Variants in UNC13C observed in about 807,000 individuals in gnomAD.
The protein encoded by UNC13C is unc-13 homolog C.
UNC13C carries 174 observed loss-of-function variants against 245.4 expected under a neutral mutation model. That is an observed-to-expected ratio of 0.71 (90% CI 0.63 to 0.80). UNC13C has a LOEUF of 0.80. Ranked by LOEUF, UNC13C falls within the 30% of genes least tolerant of loss-of-function variation. UNC13C has a pLI of 0.00. For synonymous variants in UNC13C, 992 were observed against 895.1 expected, an observed-to-expected ratio of 1.11 and a Z score of -1.93; for missense variants, 2,829 against 2,602.9, an observed-to-expected ratio of 1.09 and a Z score of -1.89.
rs2038504315 is a variant in UNC13C at position 54,333,860 on chromosome 15, T to C, written c.4584+4T>C. 1.3e-6 allele frequency: 2 copies of C among 1,586,502 alleles called. No individual in the cohort carries two copies. The highest frequency in any genetic ancestry group is 1.7e-6 in the Non-Finnish European group (2 of 1,162,880). ...TATCACCTTTTTTAGGATGAAGGTA[T>C]CTCATTTTATTTCTGTCACTGTTTT... On this transcript the variant is annotated splice_donor_region_variant and intron_variant, in intron 16 of 32. Coordinates refer to ENST00000260323, the MANE Select transcript of UNC13C (RefSeq NM_001080534.3).
intron 4 of UNC13C, among the ~76,000 whole-genome samples, chr15:54,147,232 T>C (rs965621295): frequency 2.2e-5 from 3 of 137,070 alleles, no homozygotes; most frequent in Non-Finnish European, 4.7e-5. Context: ...TTTTTTTTTT[T>C]TTTTTGAGAT....
At chr15:53,987,004 G>A (rs970408356) in intron 1 of UNC13C, among the ~76,000 whole-genome samples, 1 of 151,954 alleles carries the variant, frequency 6.6e-6, no homozygotes, top group African/African-American at 2.4e-5. Context: ...ATATTTACAG[G>A]TGAGGATACT....
At chr15:54,274,736 AT>A (rs2036785689) in intron 10 of UNC13C, among the ~76,000 whole-genome samples, 1 of 127,062 alleles carries the variant, frequency 7.9e-6, no homozygotes, top group South Asian at 2.6e-4. Flanking sequence ...CAGTGGCGCG[AT>A]CTCGGCTCAA....
At chr15:53,960,508 A>T in the UNC13C span, among the ~76,000 whole-genome samples, 1 of 152,186 alleles carries the variant, frequency 6.6e-6, no homozygotes, top group Non-Finnish European at 1.5e-5. Flanking sequence ...AAATAAGTTC[A>T]AGGACTATAG....
rs774228877 is a variant in UNC13C at position 54,014,238 on chromosome 15, T to C, written c.1335T>C (p.Asn445=). The change falls in exon 2 of 33, where the codon AAT becomes AAC. Residue 445 remains asparagine, a synonymous_variant. Coordinates refer to ENST00000260323, the MANE Select transcript of UNC13C (RefSeq NM_001080534.3). The part of the protein sequence containing the change: ...STPEPKIKKN[N]WQSPDDSDED... ...CAGAGCCAAAAATCAAGAAGAACAA[T>C]TGGCAGTCACCTGATGACAGTGATG... The C allele has an allele frequency of 6.2e-7, 1 of 1,613,832 alleles. No homozygotes were observed. Among genetic ancestry groups the C allele is most frequent in the South Asian group, 1.1e-5 (1 of 91,074 alleles).
intron 30 of UNC13C, among the ~76,000 whole-genome samples, chr15:54,606,253 A>T (rs1566935871): frequency 6.6e-6 from 1 of 152,258 alleles, no homozygotes; most frequent in Admixed American, 6.5e-5. Context: ...CAAGGGCCTA[A>T]GACTTGGAAT....
intron 17 of UNC13C, among the ~76,000 whole-genome samples, chr15:54,343,480 T>G (rs551314245): frequency 6.6e-6 from 1 of 152,282 alleles, no homozygotes; most frequent in South Asian, 2.1e-4. Context: ...CCAGGTTCAG[T>G]TTCCTACTCC....
chr15:53,907,568 C>G, the UNC13C span, among the ~76,000 whole-genome samples: 14 of 152,070 alleles, frequency 9.2e-5, no homozygotes, highest in Non-Finnish European at 1.6e-4. Flanking sequence ...AGTCACTTAA[C>G]CTCTCTTTTG....
chr15:54,596,244 G>T (rs940583077), intron 30 of UNC13C, among the ~76,000 whole-genome samples: 2 of 151,996 alleles, frequency 1.3e-5, no homozygotes, highest in Non-Finnish European at 2.9e-5. Flanking sequence ...CCCAACTGTG[G>T]GTGTTTTTTC....
At chr15:54,359,559 C>T (rs1218692658) in intron 17 of UNC13C, among the ~76,000 whole-genome samples, 2 of 151,792 alleles carry the variant, frequency 1.3e-5, no homozygotes, top group Non-Finnish European at 2.9e-5. Flanking sequence ...CTTCATGATT[C>T]AGTCTTGGTA....
Position 54,549,640 on chromosome 15 carries a change from C to G in UNC13C, c.5826C>G (p.Pro1942=). 6.2e-7 allele frequency: 1 copy of G among 1,603,868 alleles called. No homozygotes were observed. Among genetic ancestry groups the G allele is most frequent in the Non-Finnish European group, 8.5e-7 (1 of 1,175,216 alleles). Residue 1942 remains proline (P), a synonymous_variant, in exon 28 of 33, where the codon CCC becomes CCG. Coordinates refer to ENST00000260323, the MANE Select transcript of UNC13C (RefSeq NM_001080534.3). Reference sequence around the variant, plus strand: ...CACTTTTTCTTTGTTTCTAGGGACCCCAGATGATTTTCATTGCAGCTAAAG... The same window carrying G: ...CACTTTTTCTTTGTTTCTAGGGACCGCAGATGATTTTCATTGCAGCTAAAG... ...VLPPLTDQTG[P]QMIFIAAKDL...
intron 2 of UNC13C, among the ~76,000 whole-genome samples, chr15:54,119,612 C>A (rs1268436108): frequency 6.6e-6 from 1 of 152,096 alleles, no homozygotes; most frequent in Non-Finnish European, 1.5e-5. Context: ...AGTCACACAT[C>A]TCTCACTTTA....
chr15:54,510,392 G>A (rs920381946), intron 23 of UNC13C, among the ~76,000 whole-genome samples: 8 of 152,066 alleles, frequency 5.3e-5, no homozygotes, highest in African/African-American at 1.9e-4. Flanking sequence ...CTGAAAATGT[G>A]GCCCTACTCA....
chr15:53,922,111 G>C, the UNC13C span, among the ~76,000 whole-genome samples: 3 of 152,294 alleles, frequency 2.0e-5, no homozygotes, highest in African/African-American at 7.2e-5. Context: ...TAAATACCAT[G>C]ATAAAGTGAA....
At chr15:54,263,933 A>G (rs1379852965) in intron 8 of UNC13C, among the ~76,000 whole-genome samples, 1 of 152,142 alleles carries the variant, frequency 6.6e-6, no homozygotes, top group African/African-American at 2.4e-5. Context: ...CAGTAATACA[A>G]AAGAAAAGCC....
chr15:54,192,112 C>A (rs181765470), intron 4 of UNC13C, among the ~76,000 whole-genome samples: 142 of 152,216 alleles, frequency 9.3e-4, no homozygotes, highest in African/African-American at 3.3e-3. Context: ...GGAGTCTTTG[C>A]CCATGCCTAT....
chr15:54,369,081 G>GA lies in UNC13C; in HGVS notation c.4714-23961dup, dbSNP rs920847424. On this transcript the variant is annotated intron_variant, in intron 17 of 32. Transcript: ENST00000260323. The stretch of plus-strand genomic sequence containing the variant: ...AGTCCTTCAGAGTTAAAAATGAAAG[G>GA]AAAAAATACATTTTCTCTAGTTAGC... Among the ~76,000 whole-genome samples the GA allele has an allele frequency of 2.6e-5, 4 of 151,626 alleles. No individual in the cohort carries two copies. In the East Asian group the frequency reaches 7.7e-4, roughly 29 times the overall value.
intron 1 of UNC13C, among the ~76,000 whole-genome samples, chr15:54,008,784 T>C (rs1012699820): frequency 7.9e-5 from 12 of 152,198 alleles, no homozygotes; most frequent in African/African-American, 2.7e-4. Flanking sequence ...ACTGGTAACA[T>C]TCACTTTACG....
the UNC13C span, among the ~76,000 whole-genome samples, chr15:53,944,142 C>A: frequency 0.092 from 13,946 of 152,030 alleles, 963 homozygotes; most frequent in East Asian, 0.21. Context: ...ACATAAAAGG[C>A]TTATGTCTGC....
Sources: gnomAD v4.1 joint callset for allele counts (sites outside exome capture counted in the v4.1 genomes callset) on GRCh38, gnomAD v4.1.1 for gene constraint, MANE v1.5 for transcripts, NCBI Gene and HGNC (gene_info 2026-07-23, HGNC 2026-07-21) for gene names.